The following CDH12 variants were observed in gnomAD, a reference collection of about 807,000 sequenced individuals.
CDH12 encodes cadherin 12.
CDH12 carries 41 observed loss-of-function variants against 74.1 expected under a neutral mutation model. The observed-to-expected ratio is 0.55, with a 90% CI of 0.43 to 0.72. The LOEUF (loss-of-function observed/expected upper bound fraction) is 0.72. Among genes scored for constraint, CDH12 ranks in the 30% least tolerant of loss-of-function variants. The pLI, the probability that CDH12 is intolerant of heterozygous loss-of-function variation, is 0.00. For synonymous variants in CDH12, 399 were observed against 355.0 expected (o/e 1.12, Z -1.39); for missense variants, 945 against 977.2 (o/e 0.97, Z 0.44).
chr5:22,315,118 G>GTTTTTTTT (rs1344184080), intron 3 of CDH12, among the ~76,000 whole-genome samples: 10 of 9,396 alleles, frequency 1.1e-3, no homozygotes, highest in African/African-American at 2.4e-3. Flanking sequence ...TGCCTGCCTG[G>GTTTTTTTT]CTTTTTTTTT....
intron 5 of CDH12, among the ~76,000 whole-genome samples, chr5:21,984,242 G>A (rs1228238983): frequency 2.0e-5 from 3 of 152,130 alleles, no homozygotes; most frequent in Middle Eastern, 3.2e-3. Flanking sequence ...GGTGTTCTAA[G>A]CACAATGGTG....
At chr5:22,739,704 A>G (rs1744923535) in intron 1 of CDH12, among the ~76,000 whole-genome samples, 1 of 152,020 alleles carries the variant, frequency 6.6e-6, no homozygotes, top group Non-Finnish European at 1.5e-5. Flanking sequence ...CCATTTAACC[A>G]TCACCCCTCC....
intron 2 of CDH12, among the ~76,000 whole-genome samples, chr5:22,438,870 A>G (rs1744511599): frequency 6.6e-6 from 1 of 151,738 alleles, no homozygotes; most frequent in Admixed American, 6.6e-5. Context: ...ATATCATTTT[A>G]GAAGAAAATA....
intron 3 of CDH12, among the ~76,000 whole-genome samples, chr5:22,394,358 C>A (rs970638834): frequency 1.3e-5 from 2 of 151,886 alleles, no homozygotes; most frequent in Non-Finnish European, 2.9e-5. Context: ...CCAAAAGGAA[C>A]GTAAGATGAT....
intron 3 of CDH12, among the ~76,000 whole-genome samples, chr5:22,260,518 A>G (rs1753468015): frequency 6.6e-6 from 1 of 152,046 alleles, no homozygotes; most frequent in South Asian, 2.1e-4. Context: ...ATTTTTTAGC[A>G]AGTTGCATTC....
chr5:22,731,484 AATG>A (rs1744429755), intron 1 of CDH12, among the ~76,000 whole-genome samples: 1 of 151,872 alleles, frequency 6.6e-6, no homozygotes, highest in African/African-American at 2.4e-5. Flanking sequence ...TGAAAGTTAA[AATG>A]TGAAAATTAG....
chr5:22,617,262 T>C lies in CDH12; in HGVS notation c.-522-111898A>G, dbSNP rs147979515. On this transcript the variant is annotated intron_variant, in intron 1 of 14. Transcript: ENST00000382254. The stretch of plus-strand genomic sequence containing the variant: ...ATAGAAAAAAGGTGCCACTTAGGAA[T>C]GAGGAACTGTGCCCTCACCAGATAT... Among the ~76,000 whole-genome samples the C allele has an allele frequency of 2.6e-5, 4 of 152,194 alleles. No individual in the cohort carries two copies. The East Asian group carries it at 7.7e-4, about 29-fold the overall frequency.
At chr5:22,844,555 T>C (rs1737218044) in intron 1 of CDH12, among the ~76,000 whole-genome samples, 1 of 152,126 alleles carries the variant, frequency 6.6e-6, no homozygotes, top group Non-Finnish European at 1.5e-5. Context: ...TTGGTGTATA[T>C]ATAAATATTT....
At chr5:22,249,351 C>G (rs1753060884) in intron 3 of CDH12, among the ~76,000 whole-genome samples, 1 of 152,164 alleles carries the variant, frequency 6.6e-6, no homozygotes, top group Non-Finnish European at 1.5e-5. Flanking sequence ...TCATGAAAGA[C>G]TGTTATTGGA....
At chr5:22,715,532 A>G (rs1314441182) in intron 1 of CDH12, among the ~76,000 whole-genome samples, 1 of 152,168 alleles carries the variant, frequency 6.6e-6, no homozygotes, top group Non-Finnish European at 1.5e-5. Flanking sequence ...ATGGAGCACA[A>G]TAGCAAATAC....
intron 1 of CDH12, among the ~76,000 whole-genome samples, chr5:22,566,931 G>A (rs1234875616): frequency 6.6e-6 from 1 of 152,082 alleles, no homozygotes; most frequent in South Asian, 2.1e-4. Flanking sequence ...AGTAAGAAAG[G>A]CTTCTGAAAA....
intron 4 of CDH12, among the ~76,000 whole-genome samples, chr5:22,100,890 G>T (rs1190648690): frequency 6.6e-6 from 1 of 151,808 alleles, no homozygotes; most frequent in South Asian, 2.1e-4. Context: ...GTTTTATTTA[G>T]AACTCATTCA....
intron 1 of CDH12, among the ~76,000 whole-genome samples, chr5:22,559,847 G>T (rs1002081602): frequency 1.3e-5 from 2 of 152,096 alleles, no homozygotes; most frequent in Non-Finnish European, 2.9e-5. Context: ...AATTAAAGTG[G>T]CTTTGAAAAT....
Position 21,802,113 on chromosome 5 carries a change from C to CTTGTT in CDH12, c.1256+49_1256+53dup, listed in dbSNP as rs952992529. On this transcript the variant is annotated intron_variant, in intron 10 of 14. Coordinates refer to ENST00000382254, the MANE Select transcript of CDH12 (RefSeq NM_004061.5). ...GAGAATTGGTTCTCTGGTTTTTGTT[C>CTTGTT]TTGTTTTGTTTTGTTTTCCTGAAAC... The CTTGTT allele has an allele frequency of 4.7e-5, 72 of 1,530,750 alleles. No homozygotes were observed. The Middle Eastern group carries it at 6.6e-4, about 14-fold the overall frequency. The allele number at this position is 1,530,750 out of a possible 1,614,324, so 94.8% of individuals were successfully genotyped here.
chr5:22,064,937 G>C (rs571142376), intron 5 of CDH12, among the ~76,000 whole-genome samples: 1 of 152,202 alleles, frequency 6.6e-6, no homozygotes, highest in Non-Finnish European at 1.5e-5. Flanking sequence ...TGTGTCTGCT[G>C]TTAAAGTGAG....
At chr5:21,978,147 TTC>T (rs1287582787) in intron 5 of CDH12, among the ~76,000 whole-genome samples, 4 of 152,326 alleles carry the variant, frequency 2.6e-5, no homozygotes, top group African/African-American at 9.6e-5. Context: ...TAGAGATAAC[TTC>T]TCTTTTTTTG....
intron 4 of CDH12, among the ~76,000 whole-genome samples, chr5:22,193,074 G>A (rs1750400834): frequency 1.3e-5 from 2 of 152,210 alleles, no homozygotes; most frequent in South Asian, 4.1e-4. Context: ...AAACATACAT[G>A]CTGGAGAAAA....
rs532170980 is a variant in CDH12 at position 22,387,635 on chromosome 5, G to A, written c.-333+17622C>T. Among the ~76,000 whole-genome samples, 5 of 152,248 alleles carry A rather than the reference G, an allele frequency of 3.3e-5. No individual in the cohort carries two copies. The South Asian group carries it at 1.0e-3, about 32-fold the overall frequency. The stretch of plus-strand genomic sequence containing the variant: ...CAGTTATCTCAGTAAAGTGGTACCT[G>A]CCTCAGAATAGCACTGGATTTAAGC... On this transcript the variant is annotated intron_variant, in intron 3 of 14. Coordinates refer to ENST00000382254, the MANE Select transcript of CDH12 (RefSeq NM_004061.5).
intron 4 of CDH12, among the ~76,000 whole-genome samples, chr5:22,211,679 T>C (rs1751551449): frequency 6.6e-6 from 1 of 151,878 alleles, no homozygotes; most frequent in Non-Finnish European, 1.5e-5. Flanking sequence ...TTAATCTGAA[T>C]TACCTGGATA....
Sources: allele counts gnomAD v4.1 joint callset (sites outside exome capture counted in the v4.1 genomes callset), GRCh38; gene constraint gnomAD v4.1.1; transcripts MANE v1.5; gene names NCBI Gene and HGNC (gene_info 2026-07-23, HGNC 2026-07-21).